The following LUZP2 variants were observed in gnomAD, a reference collection of about 807,000 sequenced individuals.
The protein encoded by LUZP2 is leucine zipper protein 2.
LUZP2 carries 52 observed loss-of-function variants against 51.6 expected under a neutral mutation model. The ratio of observed to expected loss-of-function variants is 1.01; its 90% CI spans 0.81 to 1.27. The LOEUF (loss-of-function observed/expected upper bound fraction) is 1.27, where lower values mean the gene tolerates loss of function less well. LUZP2 is among the 50% of genes most tolerant of loss of function. The pLI is 0.00. For missense variants in LUZP2, 436 were observed against 395.4 expected (o/e 1.10, Z -0.87); for synonymous variants, 154 against 137.3 (o/e 1.12, Z -0.85).
intron 9 of LUZP2, among the ~76,000 whole-genome samples, chr11:24,993,812 C>T (rs112694531): frequency 0.035 from 5,321 of 151,464 alleles, 283 homozygotes; most frequent in African/African-American, 0.12. Flanking sequence ...GCACAGAAGA[C>T]ACAAGTTTTT....
intron 5 of LUZP2, chr11:24,786,058 G>A: frequency 3.0e-6 from 3 of 985,230 alleles, no homozygotes; most frequent in Non-Finnish European, 2.4e-6. Flanking sequence ...ATCTTTGCTG[G>A]TGGGCACATT....
intron 5 of LUZP2, among the ~76,000 whole-genome samples, chr11:24,774,362 C>CTCTA (rs776739280): frequency 2.8e-4 from 21 of 76,340 alleles, no homozygotes; most frequent in South Asian, 4.7e-4. Context: ...CTCTCTCTCT[C>CTCTA]TATATATATA....
chr11:24,542,341 A>G (rs756681336), intron 1 of LUZP2, among the ~76,000 whole-genome samples: 1 of 152,086 alleles, frequency 6.6e-6, no homozygotes, highest in African/African-American at 2.4e-5. Context: ...AACATGTATG[A>G]CAGTCACTGC....
intron 4 of LUZP2, among the ~76,000 whole-genome samples, chr11:24,746,151 G>A (rs957323185): frequency 1.3e-5 from 2 of 152,132 alleles, no homozygotes; most frequent in Admixed American, 1.3e-4. Flanking sequence ...TATAGGTCCT[G>A]TGTGATTTAT....
rs1209251021 is a variant in LUZP2 at position 25,047,342 on chromosome 11, T to TTA, written c.766-2695_766-2694insAT. On this transcript the variant is annotated intron_variant, in intron 9 of 11. Coordinates refer to ENST00000336930, the MANE Select transcript of LUZP2 (RefSeq NM_001009909.4). ...ATAGTATTGTTTTTATTTTTTTTATTTTTTTTTTTTTTACTTTTTAATTTT... is the reference window on the plus strand; with the variant it reads ...ATAGTATTGTTTTTATTTTTTTTATTTATTTTTTTTTTTTACTTTTTAATTTT... 3.6e-3 allele frequency among the ~76,000 whole-genome samples: 22 copies of TTA among 6,066 alleles called. 1 individual carries two copies. Among genetic ancestry groups the TTA allele is most frequent in the South Asian group, 0.028 (5 of 178 alleles). 4.0% of individuals were successfully genotyped at this position (6,066 alleles called of 152,430 possible).
In LUZP2 at chr11:24,890,974, G is replaced by A. The variant is rs1271421199; in HGVS notation, c.397-15017G>A. On this transcript the variant is annotated intron_variant, in intron 5 of 11. Coordinates refer to ENST00000336930, the MANE Select transcript of LUZP2 (RefSeq NM_001009909.4). The stretch of plus-strand genomic sequence containing the variant: ...GATGAAAATACAACTGCAGTGAAAT[G>A]GCAAGCATCTCTTCAGTTACACTGC... 28 of 958,424 alleles carry A rather than the reference G, an allele frequency of 2.9e-5. No individual in the cohort carries two copies. In the African/African-American group the frequency reaches 5.5e-4, roughly 19 times the overall value. 59.4% of individuals were successfully genotyped at this position (958,424 alleles called of 1,614,324 possible). A position where few individuals can be genotyped will look rare whatever the true frequency, so the allele number is the denominator to read the frequency against.
intron 9 of LUZP2, among the ~76,000 whole-genome samples, chr11:25,018,169 T>A (rs12294585): frequency 0.47 from 71,437 of 151,542 alleles, 17,327 homozygotes; most frequent in Non-Finnish European, 0.51. Flanking sequence ...TACTTGAGAC[T>A]TCTCTGAATT....
intron 1 of LUZP2, among the ~76,000 whole-genome samples, chr11:24,637,118 T>C (rs1315617152): frequency 1.3e-5 from 2 of 151,770 alleles, no homozygotes; most frequent in Non-Finnish European, 2.9e-5. Flanking sequence ...ACAAAAATTG[T>C]AGAGGATGAG....
At chr11:24,967,101 A>T (rs1010106673) in intron 7 of LUZP2, among the ~76,000 whole-genome samples, 1 of 151,708 alleles carries the variant, frequency 6.6e-6, no homozygotes, top group Admixed American at 6.6e-5. Context: ...TATGCCAACA[A>T]CACACTGCTA....
chr11:24,642,774 C>A (rs1995840), intron 1 of LUZP2, among the ~76,000 whole-genome samples: 1 of 149,872 alleles, frequency 6.7e-6, no homozygotes. Flanking sequence ...AGTGGTTTTT[C>A]TTTTGCCAAG....
chr11:24,707,514 G>A (rs1857637780), intron 1 of LUZP2, among the ~76,000 whole-genome samples: 1 of 152,054 alleles, frequency 6.6e-6, no homozygotes, highest in African/African-American at 2.4e-5. Flanking sequence ...ATGAGAATTG[G>A]CTCACATGGT....
chr11:24,804,182 C>T (rs1474907906), intron 5 of LUZP2, among the ~76,000 whole-genome samples: 1 of 151,926 alleles, frequency 6.6e-6, no homozygotes, highest in Non-Finnish European at 1.5e-5. Context: ...GCACAAAGAC[C>T]AAATACATTT....
At chr11:24,735,643 G>T (rs1201130263) in intron 3 of LUZP2, among the ~76,000 whole-genome samples, 1 of 151,872 alleles carries the variant, frequency 6.6e-6, no homozygotes, top group Non-Finnish European at 1.5e-5. Context: ...TTAAGGTGAG[G>T]GTGTTTTTAT....
chr11:24,656,008 T>C (rs998492068), intron 1 of LUZP2, among the ~76,000 whole-genome samples: 1 of 152,224 alleles, frequency 6.6e-6, no homozygotes, highest in African/African-American at 2.4e-5. Context: ...AAAATTGCGA[T>C]TTGAACAAAG....
intron 1 of LUZP2, among the ~76,000 whole-genome samples, chr11:24,711,470 TAAATAAATA>T (rs1250223384): frequency 1.3e-5 from 2 of 150,802 alleles, no homozygotes; most frequent in Non-Finnish European, 1.5e-5. Context: ...AATAAATAAA[TAAATAAATA>T]AATAAATAAA....
chr11:24,566,100 A>C (rs957581315), intron 1 of LUZP2, among the ~76,000 whole-genome samples: 1 of 151,854 alleles, frequency 6.6e-6, no homozygotes, highest in African/African-American at 2.4e-5. Context: ...CGACCCATGC[A>C]CATGAAAATA....
intron 9 of LUZP2, among the ~76,000 whole-genome samples, chr11:25,039,062 C>T (rs980265427): frequency 6.6e-6 from 1 of 152,142 alleles, no homozygotes; most frequent in African/African-American, 2.4e-5. Context: ...GAGGTAACCC[C>T]CCTCACCAGG....
intron 10 of LUZP2, among the ~76,000 whole-genome samples, chr11:25,057,312 A>G (rs1858718021): frequency 6.6e-6 from 1 of 152,098 alleles, no homozygotes; most frequent in Admixed American, 6.6e-5. Context: ...TGCCTATGGT[A>G]TGCCCTATGT....
chr11:24,785,979 C>T (rs1849234938), intron 5 of LUZP2: 1 of 985,342 alleles, frequency 1.0e-6, no homozygotes, highest in Non-Finnish European at 1.2e-6. Flanking sequence ...TTTGGACTTA[C>T]AAGCTTCACA....
Sources: gnomAD v4.1 joint callset for allele counts (sites outside exome capture counted in the v4.1 genomes callset) on GRCh38, gnomAD v4.1.1 for gene constraint, MANE v1.5 for transcripts, NCBI Gene and HGNC (gene_info 2026-07-23, HGNC 2026-07-21) for gene names.